The following STPG2 variants were observed in gnomAD, a reference collection of about 807,000 sequenced individuals.
STPG2 encodes sperm tail PG-rich repeat containing 2.
A neutral mutation model predicts 54.2 loss-of-function variants in STPG2; 56 were observed. The ratio of observed to expected loss-of-function variants is 1.03; its 90% confidence interval spans 0.83 to 1.29. The LOEUF is 1.29. Among genes scored for constraint, STPG2 ranks in the 50% most tolerant of loss-of-function variants. The probability of loss-of-function intolerance (pLI) is 0.00; values close to 1 mark genes in which losing one functional copy is unlikely to be tolerated. For missense variants in STPG2, 596 were observed against 544.9 expected (o/e 1.09, Z -0.93); for synonymous variants, 200 against 181.8 (o/e 1.10, Z -0.81).
chr4:97,444,041 A>G (rs1729156971), intron 4 of STPG2, among the ~76,000 whole-genome samples: 1 of 152,188 alleles, frequency 6.6e-6, no homozygotes, highest in Admixed American at 6.5e-5. Flanking sequence ...TAAGAATGCA[A>G]TAGATGTGTT....
chr4:97,696,925 C>T (rs1723596082), intron 10 of STPG2, among the ~76,000 whole-genome samples: 1 of 152,110 alleles, frequency 6.6e-6, no homozygotes, highest in South Asian at 2.1e-4. Context: ...TATTTGTAAA[C>T]AGGATTGGAC....
chr4:98,087,552 CT>C (rs1351060946), intron 5 of STPG2, among the ~76,000 whole-genome samples: 5 of 136,912 alleles, frequency 3.7e-5, no homozygotes, highest in Non-Finnish European at 7.8e-5. Flanking sequence ...GTAATTCTCT[CT>C]TTTTTTCTTT....
At chr4:97,800,413 G>T (rs1727347797) in intron 9 of STPG2, among the ~76,000 whole-genome samples, 1 of 152,190 alleles carries the variant, frequency 6.6e-6, no homozygotes, top group African/African-American at 2.4e-5. Context: ...CAGGGCCCTT[G>T]GCTGCAGGCC....
At chr4:97,738,086 C>A (rs933663844) in intron 9 of STPG2, among the ~76,000 whole-genome samples, 1 of 152,098 alleles carries the variant, frequency 6.6e-6, no homozygotes, top group Non-Finnish European at 1.5e-5. Context: ...AATGTTCAAC[C>A]CAGAATTTCA....
intron 4 of STPG2, among the ~76,000 whole-genome samples, chr4:97,538,916 C>A (rs573625872): frequency 6.6e-6 from 1 of 152,272 alleles, no homozygotes; most frequent in South Asian, 2.1e-4. Context: ...GAATTTTCAA[C>A]CCAGAATTTC....
At position 97,730,485 on chromosome 4, in the gene STPG2, G is replaced by A. The variant is rs117190457; in HGVS notation, c.1205-17671C>T. Among the ~76,000 whole-genome samples, 14 of 152,172 alleles carry A rather than the reference G, an allele frequency of 9.2e-5. No homozygotes were observed. In the East Asian group the frequency reaches 2.5e-3, roughly 27 times the overall value. On this transcript the variant is annotated intron_variant, in intron 9 of 10. Transcript: ENST00000295268. ...ACATATGGATGCATGTGTTTTTTTGGTGGAATGATTTGTTTTCCTTTGAGT... is the reference window on the plus strand; with the variant it reads ...ACATATGGATGCATGTGTTTTTTTGATGGAATGATTTGTTTTCCTTTGAGT...
chr4:97,631,062 A>G (rs1463267946), intron 10 of STPG2, among the ~76,000 whole-genome samples: 1 of 151,902 alleles, frequency 6.6e-6, no homozygotes, highest in African/African-American at 2.4e-5. Flanking sequence ...ACACACACAC[A>G]TTTATGTACA....
chr4:97,797,801 C>T (rs1236337556), intron 9 of STPG2, among the ~76,000 whole-genome samples: 10 of 152,220 alleles, frequency 6.6e-5, no homozygotes, highest in Middle Eastern at 3.4e-3. Context: ...AATTCGGCTG[C>T]GAATCCGTCT....
intron 4 of STPG2, among the ~76,000 whole-genome samples, chr4:97,541,832 C>G (rs2148862188): frequency 6.6e-6 from 1 of 152,322 alleles, no homozygotes; most frequent in South Asian, 2.1e-4. Flanking sequence ...CTACAACCTT[C>G]TGATCTTTGA....
At chr4:97,483,814 A>G (rs550268261) in intron 4 of STPG2, among the ~76,000 whole-genome samples, 1 of 152,028 alleles carries the variant, frequency 6.6e-6, no homozygotes, top group South Asian at 2.1e-4. Flanking sequence ...AAGATAGATC[A>G]TATGATAGGT....
intron 10 of STPG2, among the ~76,000 whole-genome samples, chr4:97,588,339 T>C (rs1327000147): frequency 1.3e-5 from 2 of 152,082 alleles, no homozygotes; most frequent in African/African-American, 2.4e-5. Context: ...GGAAAGCTTA[T>C]TTATATTACA....
intron 5 of STPG2, among the ~76,000 whole-genome samples, chr4:98,014,335 CTAT>C (rs1390747913): frequency 2.6e-5 from 4 of 152,176 alleles, no homozygotes; most frequent in South Asian, 2.1e-4. Flanking sequence ...GTCTGAGAGA[CTAT>C]TATTATCAGT....
chr4:98,086,163 C>A (rs771398885), intron 5 of STPG2, among the ~76,000 whole-genome samples: 23 of 152,014 alleles, frequency 1.5e-4, no homozygotes, highest in Non-Finnish European at 2.5e-4. Context: ...AAGTAGTAAG[C>A]TTTATCACTA....
At chr4:97,678,110 T>C (rs1005320168) in intron 10 of STPG2, among the ~76,000 whole-genome samples, 3 of 152,002 alleles carry the variant, frequency 2.0e-5, no homozygotes, top group African/African-American at 7.2e-5. Flanking sequence ...ATAAATGAAA[T>C]TGCTAAAAGG....
chr4:97,840,311 G>A (rs1013553608), intron 9 of STPG2, among the ~76,000 whole-genome samples: 10 of 151,326 alleles, frequency 6.6e-5, no homozygotes, highest in Admixed American at 2.0e-4. Context: ...CTAATAGAAT[G>A]CTGAATGACT....
intron 9 of STPG2, among the ~76,000 whole-genome samples, chr4:97,825,341 A>G (rs1728218115): frequency 6.6e-6 from 1 of 152,152 alleles, no homozygotes; most frequent in African/African-American, 2.4e-5. Context: ...TAGGTAGGAA[A>G]TTTACTTTTG....
intron 5 of STPG2, among the ~76,000 whole-genome samples, chr4:98,098,615 G>A (rs7662199): frequency 0.39 from 59,513 of 151,870 alleles, 11,893 homozygotes; most frequent in Middle Eastern, 0.46. Context: ...AGCAAAAATG[G>A]ACAAATGGTA....
intron 5 of STPG2, among the ~76,000 whole-genome samples, chr4:98,098,808 A>G (rs1054171669): frequency 5.9e-5 from 9 of 152,170 alleles, no homozygotes; most frequent in African/African-American, 2.2e-4. Flanking sequence ...AAAATGGGCA[A>G]AAGATTTCAA....
At chr4:98,097,806 A>G (rs1409161687) in intron 5 of STPG2, among the ~76,000 whole-genome samples, 1 of 152,188 alleles carries the variant, frequency 6.6e-6, no homozygotes, top group African/African-American at 2.4e-5. Flanking sequence ...AAAAATCAGT[A>G]GCGTTTCTAT....
Sources: gnomAD v4.1 joint callset for allele counts (sites outside exome capture counted in the v4.1 genomes callset) on GRCh38, gnomAD v4.1.1 for gene constraint, MANE v1.5 for transcripts, NCBI Gene and HGNC (gene_info 2026-07-23, HGNC 2026-07-21) for gene names.